The following PLBD1 variants were observed in gnomAD, a reference collection of about 807,000 sequenced individuals.
PLBD1 encodes lysosomal leucine aminopeptidase.
Under a neutral mutation model 63.0 loss-of-function variants are expected in PLBD1, and 60 were observed. That is an observed-to-expected ratio of 0.95 (90% CI 0.77 to 1.18). The LOEUF is 1.18. PLBD1 is among the 50% of genes most tolerant of loss of function. The probability of loss-of-function intolerance (pLI) is 0.00; values close to 1 mark genes in which losing one functional copy is unlikely to be tolerated. For synonymous variants in PLBD1, 262 were observed against 248.0 expected (o/e 1.06, Z -0.53); for missense variants, 598 against 677.9 (o/e 0.88, Z 1.31).
At chr12:14,560,152 G>T (rs1014361765) in intron 1 of PLBD1, among the ~76,000 whole-genome samples, 1 of 152,086 alleles carries the variant, frequency 6.6e-6, no homozygotes, top group Non-Finnish European at 1.5e-5. Flanking sequence ...GAGCCACTGC[G>T]CCCAGCCCAA....
chr12:14,563,783 T>TC (rs35833114), intron 1 of PLBD1, among the ~76,000 whole-genome samples: 93,258 of 151,918 alleles, frequency 0.61, 29,802 homozygotes, highest in East Asian at 0.8. Flanking sequence ...AGTGTTGGAG[T>TC]CAGGCTTCAA....
At chr12:14,512,603 C>T (rs935094484) in intron 6 of PLBD1, among the ~76,000 whole-genome samples, 3 of 152,052 alleles carry the variant, frequency 2.0e-5, no homozygotes, top group East Asian at 1.9e-4. Flanking sequence ...TTCTGAAGAC[C>T]TATTTTGTGG....
chr12:14,546,820 T>G (rs980304043), intron 2 of PLBD1, among the ~76,000 whole-genome samples: 1 of 152,226 alleles, frequency 6.6e-6, no homozygotes, highest in Non-Finnish European at 1.5e-5. Context: ...ACAAGACAGA[T>G]AGAAATACAG....
intron 6 of PLBD1, among the ~76,000 whole-genome samples, chr12:14,530,478 T>A (rs1327645284): frequency 6.6e-6 from 1 of 152,104 alleles, no homozygotes; most frequent in African/African-American, 2.4e-5. Context: ...TAAATACATA[T>A]GAGCAACAAA....
chr12:14,513,539 G>A (rs569887060), intron 6 of PLBD1, among the ~76,000 whole-genome samples: 2 of 152,204 alleles, frequency 1.3e-5, no homozygotes, highest in East Asian at 3.9e-4. Flanking sequence ...CAAAGAAACG[G>A]GTCACCTGAA....
chr12:14,503,902 G>A lies in PLBD1; in HGVS notation c.1532C>T (p.Pro511Leu). The A allele has an allele frequency of 6.2e-7, 1 of 1,613,958 alleles. No homozygotes were observed. The highest frequency in any genetic ancestry group is 1.1e-5 in the South Asian group (1 of 91,076). ...SQYTSYAISG[P>L]TVQGGLPVFR... is the part of the protein sequence containing the mutation. ...AACAGGGAGGCCACCTTGTACTGTG[G>A]GACCACTTATGGCATAGGATGTGTA... Residue 511 changes from proline (P) to leucine (L), a missense_variant, in exon 11 of 11, where the codon CCC becomes CTC. Pro to Leu is a moderately conservative substitution (Grantham distance 98, BLOSUM62 -3). Transcript: ENST00000240617.
rs894443668 is a variant in PLBD1, at chr12:14,567,554, C to T, written c.115+28G>A. 4.1e-6 allele frequency: 6 copies of T among 1,474,694 alleles called. No homozygotes were observed. The African/African-American group carries it at 5.9e-5, about 15-fold the overall frequency. 91.4% of individuals were successfully genotyped at this position (1,474,694 alleles called of 1,614,324 possible). A position where few individuals can be genotyped will look rare whatever the true frequency, so the allele number is the denominator to read the frequency against. On this transcript the variant is annotated intron_variant, in intron 1 of 10. Transcript: ENST00000240617. ...AGGCTCCTAGGAGCCTCCCCGGGCG[C>T]CCCCCGCCCAGGGCGCGCTCTGCTC...
At chr12:14,521,824 T>C (rs1043608762) in intron 6 of PLBD1, among the ~76,000 whole-genome samples, 1 of 151,924 alleles carries the variant, frequency 6.6e-6, no homozygotes, top group Non-Finnish European at 1.5e-5. Flanking sequence ...AATTTACTAA[T>C]TGCATAAAAA....
At chr12:14,544,727 C>G (rs1282980460) in intron 2 of PLBD1, among the ~76,000 whole-genome samples, 1 of 151,874 alleles carries the variant, frequency 6.6e-6, no homozygotes, top group Non-Finnish European at 1.5e-5. Context: ...TAGGGTTTGT[C>G]TATGTATTGA....
At position 14,520,774 on chromosome 12, in the gene PLBD1, T is replaced by G. The variant is rs1945368606; in HGVS notation, c.845-9063A>C. ...AGGCAGTCTCCCTACGGAGAAAACG[T>G]GAGCAGGAGAACTCCCAGCAATCTC... On this transcript the variant is annotated intron_variant, in intron 6 of 10. Coordinates refer to ENST00000240617, the MANE Select transcript of PLBD1 (RefSeq NM_024829.6). Among the ~76,000 whole-genome samples the G allele has an allele frequency of 2.0e-5, 3 of 152,304 alleles. No homozygotes were observed. The South Asian group carries it at 6.2e-4, about 32-fold the overall frequency.
chr12:14,562,459 C>A (rs79992730), intron 1 of PLBD1, among the ~76,000 whole-genome samples: 1,347 of 101,858 alleles, frequency 0.013, no homozygotes, highest in South Asian at 0.014. Context: ...GACTCCCTCT[C>A]AAAAAAAAAA....
At chr12:14,530,833 G>A (rs1375586975) in intron 6 of PLBD1, among the ~76,000 whole-genome samples, 1 of 152,118 alleles carries the variant, frequency 6.6e-6, no homozygotes, top group Non-Finnish European at 1.5e-5. Flanking sequence ...AATGTGTGGG[G>A]AGGGCTAGTG....
At chr12:14,541,053 T>A (rs1945567463) in intron 3 of PLBD1, 151 bp from the exon 4 acceptor site, 2 of 803,510 alleles carry the variant, frequency 2.5e-6, no homozygotes, top group Admixed American at 2.6e-5. Flanking sequence ...TCAAAGGACT[T>A]CAGGGCAAAT....
At chr12:14,529,249 T>A (rs896746131) in intron 6 of PLBD1, among the ~76,000 whole-genome samples, 3 of 151,930 alleles carry the variant, frequency 2.0e-5, no homozygotes, top group Non-Finnish European at 2.9e-5. Context: ...ATCATATACA[T>A]GCTCTTAAAA....
At chr12:14,534,753 A>G (rs1230231722) in intron 6 of PLBD1, among the ~76,000 whole-genome samples, 3 of 152,164 alleles carry the variant, frequency 2.0e-5, no homozygotes, top group Admixed American at 6.5e-5. Flanking sequence ...TGTGTTAGCC[A>G]GGATGGTCTC....
intron 6 of PLBD1, among the ~76,000 whole-genome samples, chr12:14,532,670 A>G (rs998752467): frequency 6.6e-6 from 1 of 152,204 alleles, no homozygotes; most frequent in Non-Finnish European, 1.5e-5. Flanking sequence ...GTGGGCAGGA[A>G]TGGAGGAGAA....
At chr12:14,551,924 T>A (rs1053323385) in intron 2 of PLBD1, among the ~76,000 whole-genome samples, 14 of 152,176 alleles carry the variant, frequency 9.2e-5, no homozygotes, top group African/African-American at 2.4e-5. Flanking sequence ...TCTAATTCAG[T>A]TTATGAAGTT....
intron 6 of PLBD1, among the ~76,000 whole-genome samples, chr12:14,520,428 G>T (rs1945365907): frequency 6.6e-6 from 1 of 152,214 alleles, no homozygotes; most frequent in African/African-American, 2.4e-5. Flanking sequence ...GACATATGTT[G>T]AAGTTTGAGT....
At chr12:14,558,774 T>C (rs112132903) in intron 1 of PLBD1, among the ~76,000 whole-genome samples, 407 of 152,336 alleles carry the variant, frequency 2.7e-3, no homozygotes, top group African/African-American at 9.5e-3. Flanking sequence ...AACCAAGAGC[T>C]ATGTTTTCAC....
Sources: allele counts gnomAD v4.1 joint callset (sites outside exome capture counted in the v4.1 genomes callset), GRCh38; gene constraint gnomAD v4.1.1; transcripts MANE v1.5; gene names NCBI Gene and HGNC (gene_info 2026-07-23, HGNC 2026-07-21).